NKD2: variants seen among roughly 807,000 people sequenced by gnomAD.
The protein encoded by NKD2 is protein naked cuticle homolog 2.
NKD2 carries 43 observed loss-of-function variants against 34.8 expected under a neutral mutation model. The ratio of observed to expected loss-of-function variants is 1.24; its 90% CI spans 0.97 to 1.60. NKD2 has a LOEUF of 1.60. Ranked by LOEUF, NKD2 falls within the 40% of genes most tolerant of loss-of-function variation. The probability of loss-of-function intolerance (pLI) is 0.00; values close to 1 mark genes in which losing one functional copy is unlikely to be tolerated. For synonymous variants in NKD2, 278 were observed against 265.1 expected (o/e 1.05, Z -0.47); for missense variants, 675 against 627.1 (o/e 1.08, Z -0.82).
At position 1,018,689 on chromosome 5, in the gene NKD2, C is replaced by T. The variant is rs151255410; in HGVS notation, c.141+9129C>T. 2.4e-3 allele frequency among the ~76,000 whole-genome samples: 368 copies of T among 152,286 alleles called. 2 individuals carry two copies. Among genetic ancestry groups the T allele is most frequent in the African/African-American group, 7.2e-3 (300 of 41,566 alleles). On this transcript the variant is annotated intron_variant, in intron 3 of 9. Transcript: ENST00000296849. The stretch of plus-strand genomic sequence containing the variant: ...CGAGCCCAGCAGAAAGGCCCAAGGC[C>T]GGAGCACAGAGGTGGCCTGGATGCT...
rs1243019669 is a variant in NKD2 at position 1,038,277 on chromosome 5, A to G, written c.1260A>G (p.Gly420=). Residue 420 remains glycine (G), a synonymous_variant, in exon 10 of 10, where the codon GGA becomes GGG. Coordinates refer to ENST00000296849, the MANE Select transcript of NKD2 (RefSeq NM_033120.4). The surrounding 1 kb of genome is among the most constrained non-coding windows in gnomAD (Gnocchi z 4.5). ...GGGACCTGCCGCCCACGCCAGCAGG[A>G]GAGGGCTACGCGGTGCCAGTGATCC... ...VVRDLPPTPA[G]EGYAVPVIQR... 6.4e-7 allele frequency: 1 copy of G among 1,569,058 alleles called. No individual in the cohort carries two copies. Among genetic ancestry groups the G allele is most frequent in the East Asian group, 2.3e-5 (1 of 42,934 alleles).
In NKD2 at chr5:1,010,225, G is replaced by A. The variant is rs186596226; in HGVS notation, c.141+665G>A. ...TGTCCAGGTCTGGGGCCCTGGAAGG[G>A]CCTGGGGTAAATTAGACCTGCATGT... On this transcript the variant is annotated intron_variant, in intron 3 of 9. Coordinates refer to ENST00000296849, the MANE Select transcript of NKD2 (RefSeq NM_033120.4). Among the ~76,000 whole-genome samples the A allele has an allele frequency of 1.4e-4, 22 of 152,322 alleles. No individual in the cohort carries two copies. The East Asian group carries it at 4.1e-3, about 28-fold the overall frequency.
At chr5:1,028,378 G>A (rs762245841) in intron 3 of NKD2, among the ~76,000 whole-genome samples, 2 of 152,206 alleles carry the variant, frequency 1.3e-5, no homozygotes, top group Admixed American at 1.3e-4. Context: ...TTCTGGTCCC[G>A]GAGGCCTCCG....
At position 1,034,803 on chromosome 5, in the gene NKD2, G is replaced by A. The variant is rs746698591; in HGVS notation, c.474G>A (p.Ser158=). ...MHTIYEVVDA[S]VNHSSGSSKT... is the part of the protein sequence containing the mutation. ...CCATCTATGAGGTCGTGGATGCCTC[G>A]GTCAACCACTCCTCGGGCAGCAGCA... is the stretch of plus-strand genomic sequence containing the variant. The change falls in exon 7 of 10, where the codon TCG becomes TCA. Residue 158 remains serine (S), a synonymous_variant. Coordinates refer to ENST00000296849, the MANE Select transcript of NKD2 (RefSeq NM_033120.4). 3.7e-5 allele frequency: 59 copies of A among 1,612,652 alleles called. No homozygotes were observed. Among genetic ancestry groups the A allele is most frequent in the Non-Finnish European group, 3.3e-5 (39 of 1,179,956 alleles).
intron 3 of NKD2, among the ~76,000 whole-genome samples, chr5:1,010,743 G>T (rs1224097059): frequency 6.6e-6 from 1 of 152,216 alleles, no homozygotes; most frequent in Non-Finnish European, 1.5e-5. Flanking sequence ...CTGGTGAGTG[G>T]ATGGTGCCAC....
Position 1,038,044 on chromosome 5 carries a change from G to T in NKD2, c.1027G>T (p.Val343Leu). 6.2e-7 allele frequency: 1 copy of T among 1,609,340 alleles called. No individual in the cohort carries two copies. Among genetic ancestry groups the T allele is most frequent in the Non-Finnish European group, 8.5e-7 (1 of 1,179,218 alleles). ...SPKGSGKPPG[V>L]PASSKSGKAF... ...CAAGGGCTCCGGGAAGCCGCCTGGG[G>T]TGCCAGCCAGCAGCAAGTCCGGGAA... Residue 343 changes from valine to leucine, a missense_variant, in exon 10 of 10, where the codon GTG (valine) becomes TTG (leucine). Physicochemically the swap from Val to Leu is conservative, Grantham distance 32. Transcript: ENST00000296849. This position sits in a 1 kb window ranked among gnomAD's most constrained non-coding sequence, Gnocchi z 4.5.
chr5:1,029,592 G>A (rs1293719497), intron 3 of NKD2, among the ~76,000 whole-genome samples: 1 of 152,200 alleles, frequency 6.6e-6, no homozygotes, highest in Non-Finnish European at 1.5e-5. Context: ...CACGGCACGG[G>A]CTGCGTTTAC....
At chr5:1,034,654 A>T in intron 6 of NKD2, 102 bp from the exon 7 acceptor site, 1 of 1,216,258 alleles carries the variant, frequency 8.2e-7, no homozygotes, top group Non-Finnish European at 1.2e-6. Context: ...GGATGCAAGG[A>T]TGGCATAGGA....
At chr5:1,021,031 A>T (rs746375714) in intron 3 of NKD2, among the ~76,000 whole-genome samples, 35 of 151,288 alleles carry the variant, frequency 2.3e-4, no homozygotes, top group African/African-American at 7.9e-4. Flanking sequence ...GCTGTGAGGC[A>T]GGATGAAGAG....
chr5:1,018,348 C>T (rs1375084002), intron 3 of NKD2, among the ~76,000 whole-genome samples: 1 of 152,226 alleles, frequency 6.6e-6, no homozygotes, highest in African/African-American at 2.4e-5. Context: ...CCCATCCTCA[C>T]ATCTGTGGAG....
intron 3 of NKD2, among the ~76,000 whole-genome samples, chr5:1,019,293 C>T (rs1474286670): frequency 1.3e-5 from 2 of 152,188 alleles, no homozygotes; most frequent in Non-Finnish European, 2.9e-5. Context: ...ATCCGGTGCC[C>T]TTCCTGAGAC....
chr5:1,015,763 C>T (rs1449688996), intron 3 of NKD2, among the ~76,000 whole-genome samples: 3 of 152,176 alleles, frequency 2.0e-5, no homozygotes, highest in African/African-American at 7.2e-5. Flanking sequence ...GTGTGGAACC[C>T]GAGGGGGCCT....
At chr5:1,036,503 A>ACCCCCCCCCCCC (rs1491491725) in intron 9 of NKD2, 119 bp downstream of exon 9, 14 of 207,808 alleles carry the variant, frequency 6.7e-5, no homozygotes, top group African/African-American at 2.6e-4. Context: ...CCCCCCCCCA[A>ACCCCCCCCCCCC]CCCCCCCCAC....
At chr5:1,020,669 C>CTTTTTTT (rs576773512) in intron 3 of NKD2, among the ~76,000 whole-genome samples, 2 of 114,218 alleles carry the variant, frequency 1.8e-5, no homozygotes, top group African/African-American at 7.2e-5. Flanking sequence ...TGTTGCTTGT[C>CTTTTTTT]TTTTTTTTTT....
At chr5:1,035,048 G>A in intron 7 of NKD2, 145 bp downstream of exon 7, 1 of 730,282 alleles carries the variant, frequency 1.4e-6, no homozygotes, top group South Asian at 1.9e-5. Context: ...GAGTAAGTGG[G>A]TGAGTGAGTG....
chr5:1,036,633 A>T, intron 9 of NKD2: 1 of 618,206 alleles, frequency 1.6e-6, no homozygotes, highest in East Asian at 3.1e-5. Context: ...AGGTGTGTGT[A>T]TGTGGCGGAT....
At chr5:1,017,566 A>C (rs910521804) in intron 3 of NKD2, among the ~76,000 whole-genome samples, 3 of 152,336 alleles carry the variant, frequency 2.0e-5, no homozygotes. Flanking sequence ...TGTTTGTCAC[A>C]GGCTTGTCCT....
At chr5:1,034,689 C>A in intron 6 of NKD2, 67 bp from the exon 7 acceptor site, 1 of 1,527,860 alleles carries the variant, frequency 6.5e-7, no homozygotes, top group Admixed American at 1.7e-5. Context: ...GATGTGTTTT[C>A]TGGCAGGGAG....
Position 1,009,425 on chromosome 5 carries a change from C to A in NKD2, c.62-56C>A. 2.1e-6 allele frequency: 3 copies of A among 1,406,280 alleles called. No homozygotes were observed. In the South Asian group the frequency reaches 3.9e-5, roughly 18 times the overall value. The allele number at this position is 1,406,280 out of a possible 1,614,324, so 87.1% of individuals were successfully genotyped here. A position where few individuals can be genotyped will look rare whatever the true frequency, so the allele number is the denominator to read the frequency against. On this transcript the variant is annotated intron_variant, in intron 2 of 9. Transcript: ENST00000296849. This position sits in a 1 kb window ranked among gnomAD's most constrained non-coding sequence, Gnocchi z 6.9. ...GGCGCAGCGCCCGCGGGGCTCACGG[C>A]GCGTCTCTTTCCCTCCTCGGTGCGG...
Sources: allele counts gnomAD v4.1 joint callset (sites outside exome capture counted in the v4.1 genomes callset), GRCh38; gene constraint gnomAD v4.1.1; non-coding constraint Gnocchi (gnomAD v3.1); transcripts MANE v1.5; gene names NCBI Gene and HGNC (gene_info 2026-07-23, HGNC 2026-07-21).